The following CAMK2D variants were observed in gnomAD, a reference collection of about 807,000 sequenced individuals.
CAMK2D encodes calcium/calmodulin-dependent protein kinase type II subunit delta.
Under a neutral mutation model 84.0 loss-of-function variants are expected in CAMK2D, and 37 were observed. That is an observed-to-expected ratio of 0.44 (90% CI 0.34 to 0.58). The LOEUF (loss-of-function observed/expected upper bound fraction) is 0.58. Among genes scored for constraint, CAMK2D ranks in the 20% least tolerant of loss-of-function variants. The probability of loss-of-function intolerance (pLI) is 0.02; values close to 1 mark genes in which losing one functional copy is unlikely to be tolerated. For synonymous variants in CAMK2D, 202 were observed against 212.5 expected, an observed-to-expected ratio of 0.95 and a Z score of 0.43; for missense variants, 448 against 652.5, an observed-to-expected ratio of 0.69 and a Z score of 3.41.
intron 6 of CAMK2D, among the ~76,000 whole-genome samples, chr4:113,542,462 T>A (rs919951884): frequency 1.3e-5 from 2 of 152,036 alleles, no homozygotes; most frequent in African/African-American, 4.8e-5. Flanking sequence ...GTGCGTGTAA[T>A]CCCAGCACTT....
intron 17 of CAMK2D, among the ~76,000 whole-genome samples, chr4:113,461,578 G>A (rs2097373983): frequency 6.6e-6 from 1 of 152,178 alleles, no homozygotes; most frequent in Admixed American, 6.6e-5. Context: ...TGGAAATGCA[G>A]AGAAGAAAAT....
At chr4:113,562,431 A>T (rs2098702518) in intron 4 of CAMK2D, among the ~76,000 whole-genome samples, 1 of 152,234 alleles carries the variant, frequency 6.6e-6, no homozygotes, top group African/African-American at 2.4e-5. Flanking sequence ...CAATTTAAAA[A>T]TTATTCACTT....
intron 3 of CAMK2D, among the ~76,000 whole-genome samples, chr4:113,636,016 T>G (rs1453489241): frequency 6.6e-6 from 1 of 152,186 alleles, no homozygotes; most frequent in Non-Finnish European, 1.5e-5. Flanking sequence ...GATTTTATAT[T>G]CCCAACCCTG....
At chr4:113,462,357 T>TATCTA (rs1554637451) in intron 17 of CAMK2D, among the ~76,000 whole-genome samples, 1 of 151,834 alleles carries the variant, frequency 6.6e-6, no homozygotes, top group Non-Finnish European at 1.5e-5. Context: ...TCTATCTATC[T>TATCTA]ATCTATCTAT....
At chr4:113,705,651 T>C (rs2099448626) in intron 2 of CAMK2D, among the ~76,000 whole-genome samples, 1 of 152,208 alleles carries the variant, frequency 6.6e-6, no homozygotes, top group Non-Finnish European at 1.5e-5. Context: ...AATAAAAAGT[T>C]TTAACAAATG....
chr4:113,693,663 A>G (rs1037983436), intron 2 of CAMK2D, among the ~76,000 whole-genome samples: 12 of 152,182 alleles, frequency 7.9e-5, no homozygotes, highest in Admixed American at 5.2e-4. Flanking sequence ...ATTTTCGCTC[A>G]GGACCTAATA....
intron 2 of CAMK2D, among the ~76,000 whole-genome samples, chr4:113,714,225 C>A (rs1053909526): frequency 6.6e-6 from 1 of 151,992 alleles, no homozygotes; most frequent in Non-Finnish European, 1.5e-5. Context: ...ATATGTGGAT[C>A]CATTTTCAGT....
chr4:113,552,456 T>C (rs1297133207), intron 4 of CAMK2D, among the ~76,000 whole-genome samples: 1 of 152,222 alleles, frequency 6.6e-6, no homozygotes, highest in Non-Finnish European at 1.5e-5. Context: ...ATACACATCA[T>C]AGCTATTGAG....
Position 113,609,107 on chromosome 4 carries a change from C to T in CAMK2D, c.275+45G>A, listed in dbSNP as rs1204497594. Reference sequence around the variant, plus strand: ...AGAAAAATCATTAATTCAAAACGGTCCTCAATTAGATTGCAAAAATAATGA... The same window carrying T: ...AGAAAAATCATTAATTCAAAACGGTTCTCAATTAGATTGCAAAAATAATGA... On this transcript the variant is annotated intron_variant, in intron 4 of 20. Transcript: ENST00000511664. 4.9e-6 allele frequency: 5 copies of T among 1,010,958 alleles called. 1 individual carries two copies. The East Asian group carries it at 9.5e-5, about 19-fold the overall frequency. The allele number at this position is 1,010,958 out of a possible 1,614,324, so 62.6% of individuals were successfully genotyped here. A position where few individuals can be genotyped will look rare whatever the true frequency, so the allele number is the denominator to read the frequency against.
chr4:113,685,609 A>G (rs1369056784), intron 2 of CAMK2D, among the ~76,000 whole-genome samples: 1 of 152,190 alleles, frequency 6.6e-6, no homozygotes, highest in East Asian at 1.9e-4. Context: ...TAAATTATGA[A>G]AAATTAGAGA....
At chr4:113,749,583 T>C (rs1187214443) in intron 2 of CAMK2D, among the ~76,000 whole-genome samples, 2 of 152,242 alleles carry the variant, frequency 1.3e-5, no homozygotes, top group African/African-American at 4.8e-5. Context: ...GATACCTCTG[T>C]AGAATGGATC....
chr4:113,670,729 C>T (rs1032907030), intron 2 of CAMK2D, among the ~76,000 whole-genome samples: 1 of 149,182 alleles, frequency 6.7e-6, no homozygotes, highest in African/African-American at 2.5e-5. Flanking sequence ...GGAAACAAGG[C>T]ATACTAAAGA....
chr4:113,629,165 A>G (rs1592177510), intron 3 of CAMK2D, among the ~76,000 whole-genome samples: 3 of 152,156 alleles, frequency 2.0e-5, no homozygotes, highest in African/African-American at 2.4e-5. Flanking sequence ...TGTGCTAAGT[A>G]TCAGGCTGAA....
intron 4 of CAMK2D, among the ~76,000 whole-genome samples, chr4:113,571,455 A>G (rs181154519): frequency 6.6e-5 from 10 of 152,354 alleles, no homozygotes; most frequent in Admixed American, 1.3e-4. Context: ...TTCAGCCTTT[A>G]AAAAGAAGGG....
At chr4:113,649,750 T>A (rs1466536266) in intron 3 of CAMK2D, among the ~76,000 whole-genome samples, 1 of 152,186 alleles carries the variant, frequency 6.6e-6, no homozygotes, top group East Asian at 1.9e-4. Flanking sequence ...ACAACAGAGT[T>A]AGCGCTATTC....
chr4:113,759,227 GTTATAACTACATGATATATT>G (rs1330790509), intron 2 of CAMK2D, 73 bp downstream of exon 2: 2 of 717,438 alleles, frequency 2.8e-6, no homozygotes, highest in Non-Finnish European at 4.7e-6. Context: ...CTAAAGTTCA[GTTATAACTACATGATATATT>G]TACATACAAC....
intron 15 of CAMK2D, 45 bp downstream of exon 15, chr4:113,502,891 G>C (rs1325270399): frequency 7.7e-7 from 1 of 1,296,346 alleles, no homozygotes; most frequent in African/African-American, 1.5e-5. Flanking sequence ...TTGATGAGAT[G>C]TATAGTCTTG....
At position 113,761,322 on chromosome 4, in the gene CAMK2D, T is replaced by G; in HGVS notation, c.-254A>C. 2 of 1,403,578 alleles carry G rather than the reference T, an allele frequency of 1.4e-6. No homozygotes were observed. Among genetic ancestry groups the G allele is most frequent in the Non-Finnish European group, 1.9e-6 (2 of 1,079,994 alleles). 86.9% of individuals were successfully genotyped at this position (1,403,578 alleles called of 1,614,324 possible). A position where few individuals can be genotyped will look rare whatever the true frequency, so the allele number is the denominator to read the frequency against. The stretch of plus-strand genomic sequence containing the variant: ...TCCTGCGGGCCTCGCTTCCTTCTTC[T>G]CCACTGGACGCTCCACCCGCCCCTT... On this transcript the variant is annotated 5_prime_UTR_variant, in exon 1 of 21. Coordinates refer to ENST00000511664, the MANE Select transcript of CAMK2D (RefSeq NM_001321571.2).
Position 113,561,793 on chromosome 4 carries a change from T to C in CAMK2D, c.276-9697A>G, listed in dbSNP as rs531247367. Among the ~76,000 whole-genome samples the C allele has an allele frequency of 2.6e-5, 4 of 152,364 alleles. No homozygotes were observed. The East Asian group carries it at 7.7e-4, about 29-fold the overall frequency. On this transcript the variant is annotated intron_variant, in intron 4 of 20. Transcript: ENST00000511664. ...CCAACCTTTTGATTTTGTCAGTAGC[T>C]AAGAAGTGACTTAGTAATTGTTTCT...
Sources: gnomAD v4.1 joint callset for allele counts (sites outside exome capture counted in the v4.1 genomes callset) on GRCh38, gnomAD v4.1.1 for gene constraint, MANE v1.5 for transcripts, NCBI Gene and HGNC (gene_info 2026-07-23, HGNC 2026-07-21) for gene names.